LARGE1: variants seen among roughly 807,000 people sequenced by gnomAD.
LARGE1 encodes xylosyl- and glucuronyltransferase LARGE1.
Under a neutral mutation model 87.6 loss-of-function variants are expected in LARGE1, and 43 were observed. That is an observed-to-expected ratio of 0.49 (90% CI 0.38 to 0.63). LARGE1 has a LOEUF of 0.63. Ranked by LOEUF, LARGE1 falls within the 30% of genes least tolerant of loss-of-function variation. The pLI is 0.00. For missense variants in LARGE1, 802 were observed against 1,000.2 expected (o/e 0.80, Z 2.67); for synonymous variants, 434 against 394.6 (o/e 1.10, Z -1.18).
intron 1 of LARGE1, among the ~76,000 whole-genome samples, chr22:33,800,683 G>A (rs1462251577): frequency 1.3e-5 from 2 of 152,118 alleles, no homozygotes; most frequent in African/African-American, 2.4e-5. Context: ...TGCACTCAAC[G>A]TAATAGCCTT....
chr22:33,432,306 C>G (rs745696270), intron 6 of LARGE1, 41 bp from the exon 7 acceptor site: 1 of 1,469,838 alleles, frequency 6.8e-7, no homozygotes, highest in Non-Finnish European at 9.5e-7. Flanking sequence ...AAAGGAGAAG[C>G]CAAGCCATCT....
chr22:33,273,948 T>A lies in LARGE1; in HGVS notation c.*479A>T, dbSNP rs886057459. On this transcript the variant is annotated 3_prime_UTR_variant, in exon 15 of 15. Transcript: ENST00000397394. The stretch of plus-strand genomic sequence containing the variant: ...ATCATCGGTTTGCCCTCCGTTTGAA[T>A]GCCCAGCTACATTGCAGGGCAAAGG... The A allele has an allele frequency of 1.8e-5, 6 of 342,318 alleles. No individual in the cohort carries two copies. The Admixed American group carries it at 2.6e-4, about 15-fold the overall frequency. The allele number at this position is 342,318 out of a possible 1,614,324, so 21.2% of individuals were successfully genotyped here. A position where few individuals can be genotyped will look rare whatever the true frequency, so the allele number is the denominator to read the frequency against.
chr22:33,231,672 C>G (rs1360415932), intron 11 of LARGE1, among the ~76,000 whole-genome samples: 1 of 152,182 alleles, frequency 6.6e-6, no homozygotes, highest in East Asian at 1.9e-4. Flanking sequence ...CACTGACTCT[C>G]AAAATGTTGA....
At chr22:33,242,357 A>T (rs1926562197) in intron 11 of LARGE1, among the ~76,000 whole-genome samples, 1 of 152,176 alleles carries the variant, frequency 6.6e-6, no homozygotes, top group South Asian at 2.1e-4. Context: ...TTCTAGTCTT[A>T]ATGCACTTCC....
At chr22:33,469,386 A>C (rs1326993137) in intron 6 of LARGE1, among the ~76,000 whole-genome samples, 1 of 152,236 alleles carries the variant, frequency 6.6e-6, no homozygotes. Flanking sequence ...TTGCAGCAAT[A>C]CGGATGGAGC....
intron 6 of LARGE1, among the ~76,000 whole-genome samples, chr22:33,540,910 G>A (rs2077173037): frequency 6.6e-6 from 1 of 151,864 alleles, no homozygotes; most frequent in Non-Finnish European, 1.5e-5. Context: ...GAGGTAGGCG[G>A]ATTGCTTGAG....
At chr22:33,612,695 G>A (rs761800039) in intron 4 of LARGE1, among the ~76,000 whole-genome samples, 7 of 152,176 alleles carry the variant, frequency 4.6e-5, no homozygotes, top group East Asian at 1.9e-4. Context: ...GAGAGACCAC[G>A]TCTACAGGAC....
rs1555994479 is a variant in LARGE1, at chr22:33,679,468, G to GCGCA, written c.107-28801_107-28800insTGCG. Among the ~76,000 whole-genome samples, 269 of 147,592 alleles carry GCGCA rather than the reference G, an allele frequency of 1.8e-3. 1 individual carries two copies. The highest frequency in any genetic ancestry group is 6.4e-3 in the African/African-American group (259 of 40,410). On this transcript the variant is annotated intron_variant, in intron 2 of 14. Transcript: ENST00000397394. ...GAAATTTGGGGACAGACACACACAC[G>GCGCA]CACACACACACACACACACACACGA...
At chr22:33,583,718 T>TC in intron 5 of LARGE1, among the ~76,000 whole-genome samples, 1 of 152,066 alleles carries the variant, frequency 6.6e-6, no homozygotes, top group East Asian at 1.9e-4. Flanking sequence ...GACAGTTGGG[T>TC]CCCCCCCATC....
At chr22:33,299,006 C>A (rs1403398021) in intron 12 of LARGE1, among the ~76,000 whole-genome samples, 1 of 151,672 alleles carries the variant, frequency 6.6e-6, no homozygotes, top group Non-Finnish European at 1.5e-5. Context: ...ACTAGGAGTT[C>A]AAGACCAGCC....
intron 11 of LARGE1, among the ~76,000 whole-genome samples, chr22:33,258,231 C>A (rs1927424504): frequency 6.6e-6 from 1 of 152,146 alleles, no homozygotes; most frequent in South Asian, 2.1e-4. Flanking sequence ...GGGGTTTCAC[C>A]ATGTTGGCCA....
intron 11 of LARGE1, among the ~76,000 whole-genome samples, chr22:33,226,358 A>G (rs1925732686): frequency 6.6e-6 from 1 of 152,214 alleles, no homozygotes; most frequent in Non-Finnish European, 1.5e-5. Flanking sequence ...GTCCCAATAC[A>G]CAGCAAACAC....
chr22:33,678,464 G>T (rs1470662290), intron 2 of LARGE1, among the ~76,000 whole-genome samples: 1 of 152,136 alleles, frequency 6.6e-6, no homozygotes, highest in Non-Finnish European at 1.5e-5. Flanking sequence ...GGGAGGAGGG[G>T]TGACTGACAT....
chr22:33,550,162 C>T (rs528093514), intron 6 of LARGE1, among the ~76,000 whole-genome samples: 1 of 148,012 alleles, frequency 6.8e-6, no homozygotes, highest in South Asian at 2.2e-4. Context: ...CACACACACA[C>T]ACACACACAC....
chr22:33,114,882 T>G, the LARGE1 span, among the ~76,000 whole-genome samples: 1 of 152,196 alleles, frequency 6.6e-6, no homozygotes, highest in Non-Finnish European at 1.5e-5. Flanking sequence ...AAAACAGATG[T>G]TCTATGCAAT....
the LARGE1 span, among the ~76,000 whole-genome samples, chr22:33,099,228 G>A: frequency 2.7e-5 from 4 of 149,282 alleles, no homozygotes; most frequent in African/African-American, 9.9e-5. Flanking sequence ...TATGGAGTGT[G>A]GAAGAGGAGG....
intron 9 of LARGE1, among the ~76,000 whole-genome samples, chr22:33,351,941 G>T (rs1186821625): frequency 6.6e-6 from 1 of 151,962 alleles, no homozygotes; most frequent in Non-Finnish European, 1.5e-5. Context: ...GCTTCACCAT[G>T]TTGGCCAAGA....
intron 9 of LARGE1, among the ~76,000 whole-genome samples, chr22:33,343,821 G>C (rs79628234): frequency 0.074 from 11,239 of 152,130 alleles, 640 homozygotes; most frequent in African/African-American, 0.16. Flanking sequence ...TATTAGTCAG[G>C]GTTCTCTAGA....
chr22:33,855,029 A>T (rs1222886410), intron 1 of LARGE1, among the ~76,000 whole-genome samples: 3 of 152,184 alleles, frequency 2.0e-5, no homozygotes, highest in Non-Finnish European at 4.4e-5. Context: ...ATTCTGGAGA[A>T]GGTGGCATAT....
Sources: gnomAD v4.1 joint callset for allele counts (sites outside exome capture counted in the v4.1 genomes callset) on GRCh38, gnomAD v4.1.1 for gene constraint, MANE v1.5 for transcripts, NCBI Gene and HGNC (gene_info 2026-07-23, HGNC 2026-07-21) for gene names.